The following NTNG2 variants were observed in gnomAD, a reference collection of about 807,000 sequenced individuals.
The protein encoded by NTNG2 is netrin-G2.
Under a neutral mutation model 47.6 loss-of-function variants are expected in NTNG2, and 15 were observed. The observed-to-expected ratio is 0.32, with a 90% confidence interval of 0.21 to 0.49. The LOEUF is 0.49. NTNG2 is among the 20% of genes least tolerant of loss of function. The pLI, the probability that NTNG2 is intolerant of heterozygous loss-of-function variation, is 0.99. For missense variants in NTNG2, 578 were observed against 764.6 expected, an observed-to-expected ratio of 0.76 and a Z score of 2.88; for synonymous variants, 307 against 324.6, an observed-to-expected ratio of 0.95 and a Z score of 0.58.
At chr9:132,217,617 C>G (rs1840077412) in intron 3 of NTNG2, among the ~76,000 whole-genome samples, 3 of 152,198 alleles carry the variant, frequency 2.0e-5, no homozygotes, top group South Asian at 4.1e-4. Flanking sequence ...ATCCCTGGCT[C>G]TAGGAGCTCC....
At chr9:132,190,299 C>A (rs1837784543) in intron 2 of NTNG2, among the ~76,000 whole-genome samples, 1 of 147,082 alleles carries the variant, frequency 6.8e-6, no homozygotes, top group South Asian at 2.2e-4. Flanking sequence ...CTTCATTGGG[C>A]TCAAGGAAAT....
At chr9:132,211,398 T>C (rs557772735) in intron 3 of NTNG2, among the ~76,000 whole-genome samples, 1 of 152,214 alleles carries the variant, frequency 6.6e-6, no homozygotes, top group East Asian at 1.9e-4. Flanking sequence ...CTTTCTGTAG[T>C]TTTTTGTCCC....
At chr9:132,206,343 G>T (rs1727472245) in intron 3 of NTNG2, among the ~76,000 whole-genome samples, 1 of 152,214 alleles carries the variant, frequency 6.6e-6, no homozygotes, top group African/African-American at 2.4e-5. Flanking sequence ...CCCTGGAAAG[G>T]CAGCTTTGTG....
chr9:132,206,660 C>T (rs1404977530), intron 3 of NTNG2, among the ~76,000 whole-genome samples: 3 of 152,218 alleles, frequency 2.0e-5, no homozygotes, highest in Non-Finnish European at 4.4e-5. Flanking sequence ...GAGCAAGACT[C>T]CGTCTCAAAA....
chr9:132,205,610 G>A (rs1021255650), intron 3 of NTNG2, among the ~76,000 whole-genome samples: 2 of 152,232 alleles, frequency 1.3e-5, no homozygotes, highest in Non-Finnish European at 2.9e-5. Context: ...GCTGGGCGCG[G>A]TGGCTCATGC....
At chr9:132,177,141 C>G (rs1237068925) in intron 2 of NTNG2, among the ~76,000 whole-genome samples, 1 of 152,178 alleles carries the variant, frequency 6.6e-6, no homozygotes, top group Non-Finnish European at 1.5e-5. Flanking sequence ...TACACACCAC[C>G]ACACCCACCT....
intron 2 of NTNG2, among the ~76,000 whole-genome samples, chr9:132,185,840 G>A (rs1490160750): frequency 8.9e-6 from 1 of 111,954 alleles, no homozygotes; most frequent in Non-Finnish European, 1.8e-5. Flanking sequence ...GAGGAGGAGT[G>A]GGAGGAGGAG....
chr9:132,235,330 C>T (rs1360000236), intron 5 of NTNG2, among the ~76,000 whole-genome samples: 3 of 152,190 alleles, frequency 2.0e-5, no homozygotes, highest in Non-Finnish European at 2.9e-5. Flanking sequence ...CTAGCTCTGT[C>T]CTTCAGTCAG....
chr9:132,165,027 G>A (rs1835409713), intron 1 of NTNG2, among the ~76,000 whole-genome samples: 1 of 152,274 alleles, frequency 6.6e-6, no homozygotes, highest in Admixed American at 6.5e-5. Flanking sequence ...TGAAGAGGAT[G>A]TCAGGGGAGA....
At chr9:132,202,426 C>G (rs948801540) in intron 3 of NTNG2, among the ~76,000 whole-genome samples, 1 of 152,160 alleles carries the variant, frequency 6.6e-6, no homozygotes, top group Non-Finnish European at 1.5e-5. Flanking sequence ...CTGCCGGTGG[C>G]TCTGAGAGAA....
Position 132,166,644 on chromosome 9 carries a change from G to A in NTNG2, c.-188G>A, listed in dbSNP as rs1264426386. The A allele has an allele frequency of 6.6e-6, 4 of 605,258 alleles. No individual in the cohort carries two copies. The highest frequency in any genetic ancestry group is 2.9e-5 in the Admixed American group (1 of 34,604). 37.5% of individuals were successfully genotyped at this position (605,258 alleles called of 1,614,324 possible). A position where few individuals can be genotyped will look rare whatever the true frequency, so the allele number is the denominator to read the frequency against. On this transcript the variant is annotated 5_prime_UTR_variant, in exon 2 of 8. The change creates a new upstream start codon in the 5' untranslated region. Transcript: ENST00000393229. ...GAGAAACGCTGGCTCTGAATTTTCC[G>A]TGTCGGCCTTTTGGAAACAACAAGT...
rs1838450638 is a variant in NTNG2, at chr9:132,198,050, G to A, written c.298G>A (p.Glu100Lys). Reference protein sequence around the residue: ...HPPRLMFDKEEEGLATYWQSI... With the variant: ...HPPRLMFDKEKEGLATYWQSI... ...GCCCAGGCTCATGTTCGACAAGGAG[G>A]AGGAGGGCCTGGCCACCTACTGGCA... Residue 100 changes from glutamate (E) to lysine (K), a missense_variant, in exon 3 of 8, where the codon GAG becomes AAG. Transcript: ENST00000393229. 1 of 1,613,758 alleles carries A rather than the reference G, an allele frequency of 6.2e-7. No homozygotes were observed. Among genetic ancestry groups the A allele is most frequent in the Non-Finnish European group, 8.5e-7 (1 of 1,180,010 alleles).
Position 132,180,437 on chromosome 9 carries a change from G to A in NTNG2, c.213+13393G>A, listed in dbSNP as rs557502474. ...GTGGAGAAGGCTGTTAATCCAGAAC[G>A]CACCTTGTCTCTGCCCCTGTCCCCA... On this transcript the variant is annotated intron_variant, in intron 2 of 7. Transcript: ENST00000393229. This position sits in a 1 kb window ranked among gnomAD's most constrained non-coding sequence, Gnocchi z 4.2. Among the ~76,000 whole-genome samples, 8 of 152,324 alleles carry A rather than the reference G, an allele frequency of 5.3e-5. No individual in the cohort carries two copies. Among genetic ancestry groups the A allele is most frequent in the South Asian group, 4.1e-4 (2 of 4,826 alleles).
chr9:132,206,459 G>A (rs946452982), intron 3 of NTNG2, among the ~76,000 whole-genome samples: 3 of 152,306 alleles, frequency 2.0e-5, no homozygotes, highest in Admixed American at 6.5e-5. Flanking sequence ...CTGAGGTCAG[G>A]AGTTCAAGAC....
intron 2 of NTNG2, among the ~76,000 whole-genome samples, chr9:132,195,653 C>T (rs1260105327): frequency 6.6e-6 from 1 of 151,820 alleles, no homozygotes; most frequent in African/African-American, 2.4e-5. Flanking sequence ...TCTTTAGAGA[C>T]AGGGTCTCCC....
In NTNG2 at chr9:132,166,490, A is replaced by C; in HGVS notation, c.-342A>C. The C allele has an allele frequency of 2.9e-6, 1 of 344,804 alleles. No individual in the cohort carries two copies. The highest frequency in any genetic ancestry group is 6.3e-5 in the East Asian group (1 of 15,930). 21.4% of individuals were successfully genotyped at this position (344,804 alleles called of 1,614,324 possible). ...TCCCTGCGGATTTTCTCCTTATCCC[A>C]TTTCCATCCACTGTCACAATTTGAG... On this transcript the variant is annotated 5_prime_UTR_variant, in exon 2 of 8. Coordinates refer to ENST00000393229, the MANE Select transcript of NTNG2 (RefSeq NM_032536.4).
intron 2 of NTNG2, among the ~76,000 whole-genome samples, chr9:132,176,697 G>T (rs1441827758): frequency 4.6e-5 from 7 of 152,130 alleles, no homozygotes; most frequent in African/African-American, 1.7e-4. Context: ...ATTTCTCTTG[G>T]CTGTCTACCT....
Position 132,197,711 on chromosome 9 carries a change from A to G in NTNG2, c.214-255A>G, listed in dbSNP as rs1838417848. 6.6e-6 allele frequency among the ~76,000 whole-genome samples: 1 copy of G among 152,230 alleles called. No individual in the cohort carries two copies. The highest frequency in any genetic ancestry group is 1.5e-5 in the Non-Finnish European group (1 of 68,046). On this transcript the variant is annotated intron_variant, in intron 2 of 7. Coordinates refer to ENST00000393229, the MANE Select transcript of NTNG2 (RefSeq NM_032536.4). The surrounding 1 kb of genome is among the most constrained non-coding windows in gnomAD (Gnocchi z 4.3). The stretch of plus-strand genomic sequence containing the variant: ...GCTTCAAAGCAGGGGACTAACACCC[A>G]GCCTTCTTGGTTGTCTGTATTTAGA...
chr9:132,230,552 C>G lies in NTNG2; in HGVS notation c.1031-20C>G. The G allele has an allele frequency of 1.3e-6, 2 of 1,597,886 alleles. No individual in the cohort carries two copies. The highest frequency in any genetic ancestry group is 1.7e-6 in the Non-Finnish European group (2 of 1,171,932). ...CCCTTCCCCTGGGGCAGCCAGCTCACGCCCGTCTCTCTCCCACAGGTGCCA... is the reference window on the plus strand; with the variant it reads ...CCCTTCCCCTGGGGCAGCCAGCTCAGGCCCGTCTCTCTCCCACAGGTGCCA... On this transcript the variant is annotated intron_variant, in intron 4 of 7. Transcript: ENST00000393229.
Sources: allele counts gnomAD v4.1 joint callset (sites outside exome capture counted in the v4.1 genomes callset), GRCh38; gene constraint gnomAD v4.1.1; non-coding constraint Gnocchi (gnomAD v3.1); transcripts MANE v1.5; gene names NCBI Gene and HGNC (gene_info 2026-07-23, HGNC 2026-07-21).